The following SBNO1 variants were observed in gnomAD, a reference collection of about 807,000 sequenced individuals.
The protein encoded by SBNO1 is protein strawberry notch homolog 1.
Under a neutral mutation model 173.6 loss-of-function variants are expected in SBNO1, and 23 were observed. The observed-to-expected ratio is 0.13, with a 90% confidence interval of 0.10 to 0.19. The LOEUF is 0.19. Ranked by LOEUF, SBNO1 falls within the 10% of genes least tolerant of loss-of-function variation. The probability of loss-of-function intolerance (pLI) is 1.00; values close to 1 mark genes in which losing one functional copy is unlikely to be tolerated. For missense variants in SBNO1, 1,238 were observed against 1,671.2 expected, an observed-to-expected ratio of 0.74 and a Z score of 4.52; for synonymous variants, 632 against 571.5, an observed-to-expected ratio of 1.11 and a Z score of -1.51.
At chr12:123,333,461 A>G (rs1051791315) in intron 7 of SBNO1, among the ~76,000 whole-genome samples, 3 of 151,950 alleles carry the variant, frequency 2.0e-5, no homozygotes, top group African/African-American at 7.3e-5. Flanking sequence ...CAGGGAACAC[A>G]CTCCTAGGAA....
intron 2 of SBNO1, among the ~76,000 whole-genome samples, chr12:123,349,313 G>A: frequency 6.6e-6 from 1 of 151,902 alleles, no homozygotes; most frequent in Admixed American, 6.6e-5. Flanking sequence ...CGTTGCCCAG[G>A]CTGGTCTCAA....
At chr12:123,317,066 G>A (rs1025450061) in intron 21 of SBNO1, among the ~76,000 whole-genome samples, 155 bp downstream of exon 21, 11 of 152,124 alleles carry the variant, frequency 7.2e-5, no homozygotes, top group South Asian at 4.1e-4. Context: ...TCAAACTCCC[G>A]GACTCAAGTT....
In SBNO1 at chr12:123,289,216, A is replaced by G. The variant is rs2048477264; in HGVS notation, c.*6692T>C. On this transcript the variant is annotated 3_prime_UTR_variant, in exon 32 of 32. Transcript: ENST00000602398. ...CAGAATTTGTTACGCTTCACGGTTG[A>G]TCGTTTTTACTTGCAAGAGTAAATA... 1 of 152,252 alleles carries G rather than the reference A, an allele frequency of 6.6e-6. No homozygotes were observed. The highest frequency in any genetic ancestry group is 2.4e-5 in the African/African-American group (1 of 41,470). 9.4% of individuals were successfully genotyped at this position (152,252 alleles called of 1,614,324 possible).
At chr12:123,331,520 A>C in intron 7 of SBNO1, 145 bp from the exon 8 acceptor site, 1 of 818,240 alleles carries the variant, frequency 1.2e-6, no homozygotes, top group Non-Finnish European at 1.8e-6. Flanking sequence ...TAAATTTCAT[A>C]GAGTTTTGGA....
At chr12:123,330,563 T>G in intron 8 of SBNO1, 54 bp from the exon 9 acceptor site, 1 of 1,025,038 alleles carries the variant, frequency 9.8e-7, no homozygotes, top group Non-Finnish European at 1.4e-6. Flanking sequence ...ATTCTAGAAT[T>G]CAGGAATAAA....
At chr12:123,310,626 G>A (rs1031244061) in intron 25 of SBNO1, among the ~76,000 whole-genome samples, 45 of 151,154 alleles carry the variant, frequency 3.0e-4, no homozygotes, top group African/African-American at 1.0e-3. Context: ...CCTCTGCCTC[G>A]CGGGTTCAAG....
intron 1 of SBNO1, among the ~76,000 whole-genome samples, chr12:123,355,406 G>A (rs1291944717): frequency 2.0e-5 from 3 of 152,078 alleles, no homozygotes; most frequent in Non-Finnish European, 4.4e-5. Context: ...ACAAGTTTGA[G>A]ACCATCCTGG....
chr12:123,325,658 G>A (rs1870528067), intron 14 of SBNO1, 59 bp from the exon 15 acceptor site: 2 of 1,102,284 alleles, frequency 1.8e-6, no homozygotes, highest in Admixed American at 4.0e-5. Context: ...TTCTTACCAA[G>A]ACATATTTTA....
chr12:123,323,003 T>A (rs1870181152), intron 16 of SBNO1, among the ~76,000 whole-genome samples: 1 of 152,184 alleles, frequency 6.6e-6, no homozygotes, highest in Admixed American at 6.5e-5. Context: ...TTCCCATGCA[T>A]CATTAACTAT....
intron 23 of SBNO1, among the ~76,000 whole-genome samples, chr12:123,314,563 C>T (rs940278908): frequency 1.3e-5 from 2 of 151,968 alleles, no homozygotes; most frequent in South Asian, 2.1e-4. Context: ...CTCATGACCT[C>T]GTGATCCACC....
intron 10 of SBNO1, among the ~76,000 whole-genome samples, chr12:123,328,325 G>T (rs899149097): frequency 1.3e-5 from 2 of 152,144 alleles, no homozygotes; most frequent in African/African-American, 4.8e-5. Context: ...AAGCATGATT[G>T]GTAACCAACT....
intron 21 of SBNO1, among the ~76,000 whole-genome samples, chr12:123,316,645 G>A (rs892695142): frequency 5.3e-5 from 8 of 151,246 alleles, no homozygotes; most frequent in Non-Finnish European, 7.4e-5. Context: ...TCAGCCTCCT[G>A]AGTAGCTGGG....
intron 4 of SBNO1, among the ~76,000 whole-genome samples, chr12:123,343,227 C>T (rs575965527): frequency 8.6e-5 from 13 of 151,804 alleles, no homozygotes; most frequent in African/African-American, 1.2e-4. Flanking sequence ...AATGAGACTT[C>T]GTCTCACAAA....
At chr12:123,318,785 A>G (rs1267399488) in intron 20 of SBNO1, among the ~76,000 whole-genome samples, 1 of 151,842 alleles carries the variant, frequency 6.6e-6, no homozygotes, top group Admixed American at 6.6e-5. Context: ...AATCTCTACA[A>G]TGGTTGGATA....
At chr12:123,364,569 G>A (rs1875898704) in intron 1 of SBNO1, 132 bp downstream of exon 1, 3 of 983,974 alleles carry the variant, frequency 3.0e-6, no homozygotes, top group South Asian at 4.7e-5. Context: ...GGCAAGCGGC[G>A]AGGGAGGCCC....
rs767851664 is a variant in SBNO1 at position 123,320,625 on chromosome 12, G to A, written c.2492-18C>T. 4 of 1,601,888 alleles carry A rather than the reference G, an allele frequency of 2.5e-6. No homozygotes were observed. The highest frequency in any genetic ancestry group is 4.5e-5 in the East Asian group (2 of 44,810). ...ACTGTTAGCTAGATAAAGAACATTT[G>A]CTAAAAGTTAGTACAAAGTTTAAAT... is the stretch of plus-strand genomic sequence containing the variant. On this transcript the variant is annotated intron_variant, in intron 18 of 31. Transcript: ENST00000602398.
chr12:123,338,151 C>T (rs781556046), intron 5 of SBNO1, among the ~76,000 whole-genome samples: 1 of 152,148 alleles, frequency 6.6e-6, no homozygotes, highest in Non-Finnish European at 1.5e-5. Flanking sequence ...GGAACGTGGG[C>T]CTGGGGTTGT....
chr12:123,328,910 A>G lies in SBNO1; in HGVS notation c.1135-15T>C. 6.9e-7 allele frequency: 1 copy of G among 1,452,748 alleles called. No homozygotes were observed. Among genetic ancestry groups the G allele is most frequent in the East Asian group, 2.3e-5 (1 of 43,306 alleles). 90.0% of individuals were successfully genotyped at this position (1,452,748 alleles called of 1,614,324 possible). The stretch of plus-strand genomic sequence containing the variant: ...CCGTATTTAAACTAAAAAAGAAAAG[A>G]AAAGAATTTAGTTAATTAGTATACC... On this transcript the variant is annotated splice_polypyrimidine_tract_variant and intron_variant, in intron 9 of 31. Coordinates refer to ENST00000602398, the MANE Select transcript of SBNO1 (RefSeq NM_001167856.3).
chr12:123,342,799 C>T (rs186822824), intron 4 of SBNO1, among the ~76,000 whole-genome samples: 55 of 152,230 alleles, frequency 3.6e-4, no homozygotes, highest in Admixed American at 7.2e-4. Flanking sequence ...CCTCACAGTA[C>T]CTGGAATTCT....
Sources: allele counts gnomAD v4.1 joint callset (sites outside exome capture counted in the v4.1 genomes callset), GRCh38; gene constraint gnomAD v4.1.1; transcripts MANE v1.5; gene names NCBI Gene and HGNC (gene_info 2026-07-23, HGNC 2026-07-21).